Variants in EPB41L4B observed in about 807,000 individuals in gnomAD.
The protein encoded by EPB41L4B is band 4.1-like protein 4B.
EPB41L4B carries 30 observed loss-of-function variants against 112.5 expected under a neutral mutation model. The ratio of observed to expected loss-of-function variants is 0.27; its 90% CI spans 0.20 to 0.36. EPB41L4B has a LOEUF of 0.36. EPB41L4B is among the 10% of genes least tolerant of loss of function. The pLI, the probability that EPB41L4B is intolerant of heterozygous loss-of-function variation, is 1.00. For missense variants in EPB41L4B, 1,024 were observed against 1,133.3 expected (o/e 0.90, Z 1.38); for synonymous variants, 408 against 439.7 (o/e 0.93, Z 0.90).
chr9:109,242,477 C>T (rs1191299309), intron 15 of EPB41L4B, among the ~76,000 whole-genome samples: 3 of 152,192 alleles, frequency 2.0e-5, no homozygotes, highest in Admixed American at 1.3e-4. Flanking sequence ...ATTAAAATAG[C>T]GTTTCTAGAA....
chr9:109,243,240 TA>T (rs35666632), intron 15 of EPB41L4B, among the ~76,000 whole-genome samples: 102 of 111,180 alleles, frequency 9.2e-4, no homozygotes, highest in South Asian at 4.1e-3. Flanking sequence ...AAAAAATCCT[TA>T]AAAAAAAAAA....
At chr9:109,266,984 A>G (rs1038172059) in intron 4 of EPB41L4B, among the ~76,000 whole-genome samples, 7 of 140,726 alleles carry the variant, frequency 5.0e-5, no homozygotes, top group Non-Finnish European at 1.0e-4. Flanking sequence ...AAAAAAAAAA[A>G]AAAAAAAAAG....
chr9:109,233,958 GC>G (rs368070577), intron 15 of EPB41L4B, among the ~76,000 whole-genome samples: 3 of 152,184 alleles, frequency 2.0e-5, no homozygotes, highest in African/African-American at 7.2e-5. Context: ...TTATTAAGGA[GC>G]ATGACTCAAG....
At chr9:109,296,839 T>C (rs1187939302) in intron 1 of EPB41L4B, among the ~76,000 whole-genome samples, 7 of 141,784 alleles carry the variant, frequency 4.9e-5, no homozygotes, top group African/African-American at 1.9e-4. Flanking sequence ...CAGTAAGCTA[T>C]GATCACACCA....
chr9:109,269,703 T>C (rs1257218667), intron 2 of EPB41L4B, among the ~76,000 whole-genome samples: 1 of 152,230 alleles, frequency 6.6e-6, no homozygotes, highest in Non-Finnish European at 1.5e-5. Context: ...GGAACTTCTC[T>C]GTTAGAAAGA....
chr9:109,273,527 G>A (rs1388120911), intron 2 of EPB41L4B, among the ~76,000 whole-genome samples: 3 of 152,200 alleles, frequency 2.0e-5, no homozygotes, highest in Admixed American at 1.3e-4. Flanking sequence ...GATTACAGAC[G>A]TGAGCCACCA....
chr9:109,205,387 G>A (rs547025078), intron 18 of EPB41L4B, among the ~76,000 whole-genome samples: 1 of 152,308 alleles, frequency 6.6e-6, no homozygotes, highest in South Asian at 2.1e-4. Context: ...CTCCAATGGA[G>A]CAGAAATATG....
chr9:109,207,813 G>A, intron 18 of EPB41L4B, 111 bp downstream of exon 18: 1 of 1,382,120 alleles, frequency 7.2e-7, no homozygotes, highest in Non-Finnish European at 9.9e-7. Context: ...CTCATCTCCT[G>A]ACTGGACCCT....
chr9:109,298,414 A>T (rs1368139781), intron 1 of EPB41L4B, among the ~76,000 whole-genome samples: 1 of 151,632 alleles, frequency 6.6e-6, no homozygotes, highest in Non-Finnish European at 1.5e-5. Flanking sequence ...CCTGGGTTCA[A>T]GCAATTCTCC....
chr9:109,189,330 C>T (rs1273475802), intron 22 of EPB41L4B, among the ~76,000 whole-genome samples: 2 of 152,116 alleles, frequency 1.3e-5, no homozygotes, highest in African/African-American at 4.8e-5. Flanking sequence ...AAGAAACCTA[C>T]AAAAGCGAAG....
intron 15 of EPB41L4B, chr9:109,241,791 G>C (rs1331640074): frequency 3.1e-6 from 5 of 1,614,052 alleles, no homozygotes; most frequent in Non-Finnish European, 4.2e-6. Context: ...AATGCGACCT[G>C]TCATCCTGAA....
chr9:109,294,634 A>T (rs1373387055), intron 1 of EPB41L4B, among the ~76,000 whole-genome samples: 5 of 151,686 alleles, frequency 3.3e-5, no homozygotes, highest in African/African-American at 1.2e-4. Flanking sequence ...CAAAAAAAAT[A>T]ATAATTGTTC....
At chr9:109,188,606 T>C (rs1832350135) in intron 22 of EPB41L4B, among the ~76,000 whole-genome samples, 1 of 152,196 alleles carries the variant, frequency 6.6e-6, no homozygotes, top group East Asian at 1.9e-4. Context: ...TAATTTAATT[T>C]GAGATTCAGC....
intron 1 of EPB41L4B, chr9:109,307,386 A>G: frequency 2.8e-6 from 1 of 363,116 alleles, no homozygotes; most frequent in South Asian, 2.3e-5. Flanking sequence ...CTGCTCTCCC[A>G]TTACAATATC....
Position 109,267,437 on chromosome 9 carries a change from C to T in EPB41L4B, c.533+36G>A, listed in dbSNP as rs148102666. On this transcript the variant is annotated intron_variant, in intron 4 of 25. Transcript: ENST00000374566. ...CCATAAATGACATGTAAGGCAAGCC[C>T]TGCTGGGCGGGAGCTTGTTCTGCAT... The T allele has an allele frequency of 1.7e-4, 250 of 1,447,092 alleles. No individual in the cohort carries two copies. The African/African-American group carries it at 2.8e-3, about 16-fold the overall frequency. The allele number at this position is 1,447,092 out of a possible 1,614,324, so 89.6% of individuals were successfully genotyped here. A position where few individuals can be genotyped will look rare whatever the true frequency, so the allele number is the denominator to read the frequency against.
At chr9:109,221,033 G>A (rs1287302063) in intron 15 of EPB41L4B, among the ~76,000 whole-genome samples, 1 of 152,162 alleles carries the variant, frequency 6.6e-6, no homozygotes. Context: ...GCTGTAACGT[G>A]AGTTGGGTTA....
intron 15 of EPB41L4B, among the ~76,000 whole-genome samples, chr9:109,227,931 T>C (rs2118893329): frequency 6.6e-6 from 1 of 152,320 alleles, no homozygotes; most frequent in Middle Eastern, 3.4e-3. Flanking sequence ...CTGCTGACTT[T>C]AGGATATTTC....
chr9:109,193,965 C>T (rs1183646956), intron 21 of EPB41L4B, among the ~76,000 whole-genome samples: 1 of 152,090 alleles, frequency 6.6e-6, no homozygotes, highest in African/African-American at 2.4e-5. Flanking sequence ...ATGAAAACTG[C>T]CCTCAAAAAT....
At chr9:109,188,129 T>G (rs1348537636) in intron 22 of EPB41L4B, among the ~76,000 whole-genome samples, 1 of 152,184 alleles carries the variant, frequency 6.6e-6, no homozygotes. Flanking sequence ...AACAGAAAGA[T>G]TCTCTGCATA....
Sources: allele counts gnomAD v4.1 joint callset (sites outside exome capture counted in the v4.1 genomes callset), GRCh38; gene constraint gnomAD v4.1.1; transcripts MANE v1.5; gene names NCBI Gene and HGNC (gene_info 2026-07-23, HGNC 2026-07-21).